DMXL1: variants seen among roughly 807,000 people sequenced by gnomAD.
DMXL1 encodes the protein Dmx like 1.
In DMXL1, 99 loss-of-function variants were observed where a neutral mutation model predicts 319.2. That is an observed-to-expected ratio of 0.31 (90% CI 0.26 to 0.37). The LOEUF (loss-of-function observed/expected upper bound fraction) is 0.37, where lower values mean the gene tolerates loss of function less well. Among genes scored for constraint, DMXL1 ranks in the 10% least tolerant of loss-of-function variants. The pLI is 1.00. For missense variants in DMXL1, 3,745 were observed against 3,595.6 expected (o/e 1.04, Z -1.06); for synonymous variants, 1,385 against 1,235.2 (o/e 1.12, Z -2.54).
Position 119,118,882 on chromosome 5 carries a change from T to C in DMXL1, c.811T>C (p.Phe271Leu), listed in dbSNP as rs1404487772. 6 of 1,613,946 alleles carry C rather than the reference T, an allele frequency of 3.7e-6. No homozygotes were observed. Among genetic ancestry groups the C allele is most frequent in the Non-Finnish European group, 5.1e-6 (6 of 1,179,896 alleles). ...TGTGTGTCGTCTTTGGGTAGAGACATTTTTACCAAATGATTGTTTGCTATA... is the reference window on the plus strand; with the variant it reads ...TGTGTGTCGTCTTTGGGTAGAGACACTTTTACCAAATGATTGTTTGCTATA... ...DNVCRLWVETFLPNDCLLYGG... is the reference protein window; with the variant it reads ...DNVCRLWVETLLPNDCLLYGG... Residue 271 changes from phenylalanine to leucine, a missense_variant, in exon 8 of 44, where the codon TTT (phenylalanine) becomes CTT (leucine). Around this residue, in one of 4 missense-constraint regions of DMXL1, gnomAD observed 2,096 missense variants for 1,985.4 expected, o/e 1.06. Transcript: ENST00000539542.
At chr5:119,216,094 C>CAAAAAA (rs773591355) in intron 34 of DMXL1, among the ~76,000 whole-genome samples, 12 of 37,356 alleles carry the variant, frequency 3.2e-4, no homozygotes, top group East Asian at 7.9e-4. Context: ...GCATCCATCT[C>CAAAAAA]AAAAAAAAAA....
chr5:119,247,359 T>C lies in DMXL1; in HGVS notation c.*140T>C. ...TTATTTTATGGAGCTTTGCCCTTGA[T>C]GCACTGATGCCTTAAAAATTAACAA... is the stretch of plus-strand genomic sequence containing the variant. On this transcript the variant is annotated 3_prime_UTR_variant, in exon 44 of 44. Coordinates refer to ENST00000539542, the MANE Select transcript of DMXL1 (RefSeq NM_001290321.3). 2 of 623,610 alleles carry C rather than the reference T, an allele frequency of 3.2e-6. No individual in the cohort carries two copies. Among genetic ancestry groups the C allele is most frequent in the Non-Finnish European group, 5.4e-6 (2 of 369,420 alleles). The allele number at this position is 623,610 out of a possible 1,614,324, so 38.6% of individuals were successfully genotyped here.
chr5:119,199,204 G>T lies in DMXL1; in HGVS notation c.7745+1248G>T, dbSNP rs539984394. Among the ~76,000 whole-genome samples, 34 of 152,110 alleles carry T rather than the reference G, an allele frequency of 2.2e-4. 1 individual carries two copies. Among genetic ancestry groups the T allele is most frequent in the African/African-American group, 7.9e-4 (33 of 41,510 alleles). ...TGCCTGGCCCCCAGTAGTTATTTTTGTGATCCTCTTTCTCCTCCCCACTTC... is the reference window on the plus strand; with the variant it reads ...TGCCTGGCCCCCAGTAGTTATTTTTTTGATCCTCTTTCTCCTCCCCACTTC... On this transcript the variant is annotated intron_variant, in intron 32 of 43. Coordinates refer to ENST00000539542, the MANE Select transcript of DMXL1 (RefSeq NM_001290321.3).
chr5:119,171,436 G>C (rs1774523594), intron 24 of DMXL1, among the ~76,000 whole-genome samples, 156 bp downstream of exon 24: 1 of 152,104 alleles, frequency 6.6e-6, no homozygotes, highest in South Asian at 2.1e-4. Context: ...GAATTATAGA[G>C]TTGTGTATTT....
chr5:119,198,693 G>A (rs12518168), intron 32 of DMXL1, among the ~76,000 whole-genome samples: 69,486 of 151,984 alleles, frequency 0.46, 18,398 homozygotes, highest in East Asian at 0.95. Flanking sequence ...TCAGCAAAAA[G>A]AACAAGGCAT....
rs1232961215 is a variant in DMXL1 at position 119,148,981 on chromosome 5, G to A, written c.3154G>A (p.Ala1052Thr). The change falls in exon 18 of 44, where the codon GCA becomes ACA. Residue 1052 changes from alanine to threonine, a missense_variant. By Grantham distance (58) the Ala-to-Thr change is moderately conservative. Around this residue, in one of 4 missense-constraint regions of DMXL1, gnomAD observed 2,096 missense variants for 1,985.4 expected, o/e 1.06. Coordinates refer to ENST00000539542, the MANE Select transcript of DMXL1 (RefSeq NM_001290321.3). ...VPGRPVEVSC[A>T]HTNRLAVAYK... ...TGGTAGGCCTGTAGAAGTTAGCTGT[G>A]CACATACAAATCGTTTAGCAGTAGC... is the stretch of plus-strand genomic sequence containing the variant. 1 of 1,613,940 alleles carries A rather than the reference G, an allele frequency of 6.2e-7. No individual in the cohort carries two copies. Among genetic ancestry groups the A allele is most frequent in the Admixed American group, 1.7e-5 (1 of 59,994 alleles).
intron 25 of DMXL1, among the ~76,000 whole-genome samples, chr5:119,174,463 T>C (rs1304635233): frequency 1.3e-5 from 2 of 152,238 alleles, no homozygotes; most frequent in African/African-American, 2.4e-5. Context: ...TATATAGTTT[T>C]TGTCATCTTC....
intron 1 of DMXL1, among the ~76,000 whole-genome samples, chr5:119,089,985 T>C (rs1383608955): frequency 2.0e-5 from 3 of 147,764 alleles, no homozygotes; most frequent in Non-Finnish European, 4.5e-5. Context: ...GATTATTTTA[T>C]GCTTCGGGTT....
rs936614841 is a variant in DMXL1 at position 119,100,086 on chromosome 5, T to A, written c.214-1849T>A. 1.3e-5 allele frequency among the ~76,000 whole-genome samples: 2 copies of A among 152,258 alleles called. 1 individual carries two copies. The highest frequency in any genetic ancestry group is 4.1e-4 in the South Asian group (2 of 4,824). ...GAAATATTTTCTTCATTTACAGATATCAGTATTATCATAGTGGTTCCTTAA... is the reference window on the plus strand; with the variant it reads ...GAAATATTTTCTTCATTTACAGATAACAGTATTATCATAGTGGTTCCTTAA... On this transcript the variant is annotated intron_variant, in intron 2 of 43. Coordinates refer to ENST00000539542, the MANE Select transcript of DMXL1 (RefSeq NM_001290321.3).
chr5:119,086,805 G>C (rs1041195756), intron 1 of DMXL1, among the ~76,000 whole-genome samples: 1 of 151,676 alleles, frequency 6.6e-6, no homozygotes, highest in African/African-American at 2.4e-5. Flanking sequence ...ATGTTTGATA[G>C]AATTCAGCAG....
rs145623478 is a variant in DMXL1 at position 119,247,190 on chromosome 5, T to A, written c.9118T>A (p.Leu3040Met). ...TCAGTTTAGCCCTTTAAATGAAGTG[T>A]TGAAAAATGATGTGAAATTTATGCT... ...PDQFSPLNEV[L>M]KNDVKFML Residue 3040 changes from leucine (L) to methionine (M), a missense_variant, in exon 44 of 44, where the codon TTG (leucine) becomes ATG (methionine). By Grantham distance (15) the Leu-to-Met change is conservative. Around this residue, in one of 4 missense-constraint regions of DMXL1, gnomAD observed 262 missense variants for 320.5 expected, o/e 0.82. Coordinates refer to ENST00000539542, the MANE Select transcript of DMXL1 (RefSeq NM_001290321.3). 13 of 1,613,084 alleles carry A rather than the reference T, an allele frequency of 8.1e-6. No individual in the cohort carries two copies. The African/African-American group carries it at 1.7e-4, about 22-fold the overall frequency.
chr5:119,131,418 GA>G (rs1191113359), intron 10 of DMXL1, among the ~76,000 whole-genome samples: 2 of 152,020 alleles, frequency 1.3e-5, no homozygotes, highest in African/African-American at 4.8e-5. Flanking sequence ...GCATTTCCTT[GA>G]AATGATTTCT....
Position 119,197,314 on chromosome 5 carries a change from A to T in DMXL1, c.7544-441A>T, listed in dbSNP as rs572212229. ...TAAAATACATTGATACTAACAATAG[A>T]TGATGAGCTAAAAAGAAAAATCACA... On this transcript the variant is annotated intron_variant, in intron 31 of 43. Transcript: ENST00000539542. Among the ~76,000 whole-genome samples the T allele has an allele frequency of 3.3e-5, 5 of 152,336 alleles. No individual in the cohort carries two copies. The South Asian group carries it at 8.3e-4, about 25-fold the overall frequency.
intron 5 of DMXL1, among the ~76,000 whole-genome samples, chr5:119,112,336 A>G (rs1299749622): frequency 1.3e-5 from 2 of 152,156 alleles, no homozygotes; most frequent in African/African-American, 4.8e-5. Context: ...TTTAAATAAG[A>G]TTGCCAGGTT....
intron 1 of DMXL1, among the ~76,000 whole-genome samples, chr5:119,093,334 C>A (rs1755213926): frequency 6.6e-6 from 1 of 152,116 alleles, no homozygotes; most frequent in Admixed American, 6.6e-5. Flanking sequence ...CTGGATTTCA[C>A]CATGTTGGCC....
intron 28 of DMXL1, among the ~76,000 whole-genome samples, chr5:119,186,382 C>T (rs1043837718): frequency 6.6e-6 from 1 of 152,010 alleles, no homozygotes; most frequent in Non-Finnish European, 1.5e-5. Flanking sequence ...GTGATCCTCC[C>T]AAGTGGCTGG....
In DMXL1 at chr5:119,116,151, T is replaced by C. The variant is rs751926173; in HGVS notation, c.565-7T>C. The C allele has an allele frequency of 1.6e-4, 260 of 1,576,632 alleles. No individual in the cohort carries two copies. Among genetic ancestry groups the C allele is most frequent in the Non-Finnish European group, 2.1e-4 (244 of 1,164,868 alleles). On this transcript the variant is annotated splice_polypyrimidine_tract_variant and splice_region_variant and intron_variant, in intron 6 of 43. Coordinates refer to ENST00000539542, the MANE Select transcript of DMXL1 (RefSeq NM_001290321.3). ...ATGATTTTCTGTTTTGTTTTTTTTTTCCTTAGGATGACTGTCTTTTGAAGG... is the reference window on the plus strand; with the variant it reads ...ATGATTTTCTGTTTTGTTTTTTTTTCCCTTAGGATGACTGTCTTTTGAAGG...
Position 119,144,590 on chromosome 5 carries a change from A to G in DMXL1, c.2521A>G (p.Asn841Asp), listed in dbSNP as rs1768116140. 1.9e-6 allele frequency: 3 copies of G among 1,600,824 alleles called. No individual in the cohort carries two copies. The highest frequency in any genetic ancestry group is 8.5e-7 in the Non-Finnish European group (1 of 1,176,088). The change falls in exon 15 of 44, where the codon AAC (asparagine) becomes GAC (aspartate). Residue 841 changes from asparagine (N) to aspartate (D), a missense_variant. Asn to Asp is a conservative substitution (Grantham distance 23). Coordinates refer to ENST00000539542, the MANE Select transcript of DMXL1 (RefSeq NM_001290321.3). ...HVFEEDFILN[N>D]LEKKSLGKDS... ...TTTTGAAGAAGACTTCATTTTGAAT[A>G]ACCTTGAGAAGAAAAGCCTTGGCAA... is the stretch of plus-strand genomic sequence containing the variant.
chr5:119,116,656 T>C (rs962740421), intron 7 of DMXL1, among the ~76,000 whole-genome samples: 1 of 152,236 alleles, frequency 6.6e-6, no homozygotes, highest in Non-Finnish European at 1.5e-5. Flanking sequence ...TCCAGATTGT[T>C]GTTTGTTTAT....
Sources: gnomAD v4.1 joint callset for allele counts (sites outside exome capture counted in the v4.1 genomes callset) on GRCh38, gnomAD v4.1.1 for gene constraint, gnomAD v4.1.1 regional missense constraint, MANE v1.5 for transcripts, NCBI Gene and HGNC (gene_info 2026-07-23, HGNC 2026-07-21) for gene names.